ESD: variants seen among roughly 807,000 people sequenced by gnomAD.
ESD encodes the protein S-formylglutathione hydrolase.
A neutral mutation model predicts 38.1 loss-of-function variants in ESD; 34 were observed. That is an observed-to-expected ratio of 0.89 (90% CI 0.68 to 1.19). The LOEUF (loss-of-function observed/expected upper bound fraction) is 1.19, where lower values mean the gene tolerates loss of function less well. ESD is among the 50% of genes most tolerant of loss of function. ESD has a pLI of 0.00. For missense variants in ESD, 334 were observed against 327.2 expected (o/e 1.02, Z -0.16); for synonymous variants, 97 against 107.0 (o/e 0.91, Z 0.58).
chr13:46,794,631 GT>G (rs1029407270), intron 1 of ESD, among the ~76,000 whole-genome samples: 7 of 151,838 alleles, frequency 4.6e-5, no homozygotes, highest in African/African-American at 1.7e-4. Flanking sequence ...CTCTACATGT[GT>G]TTTTTTGTTC....
intron 4 of ESD, among the ~76,000 whole-genome samples, chr13:46,784,838 T>C (rs1256196597): frequency 1.3e-5 from 2 of 151,960 alleles, no homozygotes; most frequent in Non-Finnish European, 1.5e-5. Context: ...CTAAAATCCT[T>C]TGGACCAGGA....
Position 46,777,571 on chromosome 13 carries a change from A to G in ESD, c.653T>C (p.Ile218Thr), listed in dbSNP as rs1874845387. ...VKSYPGSQLD[I>T]LIDQGKDDQF... is the part of the protein sequence containing the mutation. ...GTCATCTTTCCCTTGATCAATTAGTATGTCCAGCTGAGATCCTGGATAGGA... is the reference window on the plus strand; with the variant it reads ...GTCATCTTTCCCTTGATCAATTAGTGTGTCCAGCTGAGATCCTGGATAGGA... Residue 218 changes from isoleucine (I) to threonine (T), a missense_variant, in exon 9 of 10, where the codon ATA becomes ACA. Transcript: ENST00000378720. The G allele has an allele frequency of 1.9e-6, 3 of 1,611,418 alleles. No individual in the cohort carries two copies. The highest frequency in any genetic ancestry group is 2.5e-6 in the Non-Finnish European group (3 of 1,178,198).
At chr13:46,781,242 A>G (rs2138291280) in intron 7 of ESD, among the ~76,000 whole-genome samples, 1 of 151,952 alleles carries the variant, frequency 6.6e-6, no homozygotes, top group African/African-American at 2.4e-5. Context: ...AAAAACAATT[A>G]AAGGAGAAGC....
intron 9 of ESD, among the ~76,000 whole-genome samples, chr13:46,773,639 G>T (rs1174369804): frequency 6.6e-6 from 1 of 152,198 alleles, no homozygotes; most frequent in Non-Finnish European, 1.5e-5. Context: ...CCCTTCCAGA[G>T]AGGTATTAAA....
At chr13:46,774,872 T>C (rs1356887319) in intron 9 of ESD, among the ~76,000 whole-genome samples, 2 of 152,178 alleles carry the variant, frequency 1.3e-5, no homozygotes, top group African/African-American at 2.4e-5. Context: ...CAGAGATGAA[T>C]GAGAGAGCTC....
intron 1 of ESD, among the ~76,000 whole-genome samples, chr13:46,796,672 G>A (rs1875590670): frequency 6.6e-6 from 1 of 152,244 alleles, no homozygotes; most frequent in African/African-American, 2.4e-5. Context: ...GCCTAGAGCA[G>A]CAGGTCCACA....
intron 4 of ESD, among the ~76,000 whole-genome samples, chr13:46,785,894 C>T (rs1338188920): frequency 6.6e-6 from 1 of 151,886 alleles, no homozygotes; most frequent in Non-Finnish European, 1.5e-5. Context: ...GACTATAGTA[C>T]CCCTCACCAG....
At position 46,787,056 on chromosome 13, in the gene ESD, T is replaced by C. The variant is rs781400478; in HGVS notation, c.122A>G (p.Glu41Gly). ...KFAVYLPPKA[E>G]TGKCPALYWL... The stretch of plus-strand genomic sequence containing the variant: ...ATACAGTGCAGGGCACTTTCCTGTT[T>C]CTGCCTTTGGTGGTAAGTAGACAGC... Residue 41 changes from glutamate to glycine, a missense_variant, in exon 4 of 10, where the codon GAA (glutamate) becomes GGA (glycine). Physicochemically the swap from Glu to Gly is moderately conservative, Grantham distance 98. Coordinates refer to ENST00000378720, the MANE Select transcript of ESD (RefSeq NM_001984.2). 2 of 1,577,414 alleles carry C rather than the reference T, an allele frequency of 1.3e-6. No homozygotes were observed. The highest frequency in any genetic ancestry group is 1.7e-6 in the Non-Finnish European group (2 of 1,155,584).
chr13:46,781,631 T>G lies in ESD; in HGVS notation c.382-16A>C. 1 of 1,597,838 alleles carries G rather than the reference T, an allele frequency of 6.3e-7. No individual in the cohort carries two copies. The highest frequency in any genetic ancestry group is 8.6e-7 in the Non-Finnish European group (1 of 1,169,348). On this transcript the variant is annotated splice_polypyrimidine_tract_variant and intron_variant, in intron 6 of 9. Transcript: ENST00000378720. ...GTTGGGGAAGCTAGAAAAAATTTAATAGTGTGACAAAAGATATCAAAGAAA... is the reference window on the plus strand; with the variant it reads ...GTTGGGGAAGCTAGAAAAAATTTAAGAGTGTGACAAAAGATATCAAAGAAA...
intron 1 of ESD, among the ~76,000 whole-genome samples, chr13:46,795,074 A>G (rs1265519400): frequency 6.6e-6 from 1 of 152,088 alleles, no homozygotes; most frequent in Non-Finnish European, 1.5e-5. Flanking sequence ...CCTTCAAACC[A>G]TTCCTCTTTT....
At chr13:46,789,865 G>A (rs925796043) in intron 3 of ESD, among the ~76,000 whole-genome samples, 1 of 151,784 alleles carries the variant, frequency 6.6e-6, no homozygotes. Context: ...GCCCAGGCTG[G>A]AGTGCAGTGG....
chr13:46,772,471 G>A (rs191604029), intron 9 of ESD, among the ~76,000 whole-genome samples: 1 of 152,084 alleles, frequency 6.6e-6, no homozygotes, highest in East Asian at 1.9e-4. Context: ...GAGTACATGT[G>A]CTGGATATGC....
Position 46,781,613 on chromosome 13 carries a change from A to T in ESD, c.384T>A (p.Leu128=), listed in dbSNP as rs1318286050. The change falls in exon 7 of 10, where the codon CTT becomes CTA. Residue 128 remains leucine, a splice_region_variant and synonymous_variant. Coordinates refer to ENST00000378720, the MANE Select transcript of ESD (RefSeq NM_001984.2). ...YRMYSYVTEE[L]PQLINANFPV... is the part of the protein sequence containing the mutation. ...GAAAATTGGCATTTATGAGTTGGGG[A>T]AGCTAGAAAAAATTTAATAGTGTGA... is the stretch of plus-strand genomic sequence containing the variant. 1.2e-6 allele frequency: 2 copies of T among 1,604,480 alleles called. No individual in the cohort carries two copies. Among genetic ancestry groups the T allele is most frequent in the East Asian group, 4.5e-5 (2 of 44,660 alleles).
intron 9 of ESD, among the ~76,000 whole-genome samples, chr13:46,771,992 C>T (rs1487418382): frequency 7.9e-5 from 12 of 152,108 alleles, no homozygotes; most frequent in Admixed American, 6.6e-4. Context: ...AAATGCAGCA[C>T]ATCAGTAAGA....
At chr13:46,793,272 A>AT (rs1875459927) in intron 2 of ESD, 125 bp downstream of exon 2, 1 of 152,432 alleles carries the variant, frequency 6.6e-6, no homozygotes. Context: ...CTGATACATT[A>AT]TAATAGGTGG....
intron 5 of ESD, among the ~76,000 whole-genome samples, chr13:46,783,777 C>T (rs75528357): frequency 0.017 from 2,510 of 151,864 alleles, 73 homozygotes; most frequent in African/African-American, 0.056. Context: ...TTGAGTCTCA[C>T]GTAGTTGATA....
chr13:46,790,235 G>T (rs944216864), intron 3 of ESD, among the ~76,000 whole-genome samples: 4 of 151,928 alleles, frequency 2.6e-5, no homozygotes, highest in Non-Finnish European at 4.4e-5. Context: ...TCAAATTAAA[G>T]ACTTTATACA....
At chr13:46,775,874 T>C (rs1874780301) in intron 9 of ESD, 1 of 269,636 alleles carries the variant, frequency 3.7e-6, no homozygotes, top group Non-Finnish European at 7.5e-6. Flanking sequence ...AGTGGACTTA[T>C]TTTTCCCTCC....
chr13:46,794,529 CCTTTA>C (rs1055442115), intron 1 of ESD, among the ~76,000 whole-genome samples: 25 of 152,008 alleles, frequency 1.6e-4, no homozygotes, highest in African/African-American at 5.8e-4. Context: ...GAGACAGGGC[CCTTTA>C]CTTATTAAAG....
Sources: gnomAD v4.1 joint callset for allele counts (sites outside exome capture counted in the v4.1 genomes callset) on GRCh38, gnomAD v4.1.1 for gene constraint, MANE v1.5 for transcripts, NCBI Gene and HGNC (gene_info 2026-07-23, HGNC 2026-07-21) for gene names.